ATAD3C: variants seen among roughly 807,000 people sequenced by gnomAD.
ATAD3C encodes the protein ATPase family AAA domain containing 3C.
In ATAD3C, 38 loss-of-function variants were observed where a neutral mutation model predicts 46.3. That is an observed-to-expected ratio of 0.82 (90% CI 0.63 to 1.08). The LOEUF is 1.08. ATAD3C is among the 50% of genes least tolerant of loss of function. The probability of loss-of-function intolerance (pLI) is 0.00; values close to 1 mark genes in which losing one functional copy is unlikely to be tolerated. For synonymous variants in ATAD3C, 220 were observed against 236.4 expected, an observed-to-expected ratio of 0.93 and a Z score of 0.63; for missense variants, 563 against 572.7, an observed-to-expected ratio of 0.98 and a Z score of 0.17.
In ATAD3C at chr1:1,459,785, C is replaced by T. The variant is rs549235953; in HGVS notation, c.812+554C>T. Among the ~76,000 whole-genome samples, 3 of 152,122 alleles carry T rather than the reference C, an allele frequency of 2.0e-5. No homozygotes were observed. Among genetic ancestry groups the T allele is most frequent in the South Asian group, 2.1e-4 (1 of 4,806 alleles). On this transcript the variant is annotated intron_variant, in intron 9 of 11. Coordinates refer to ENST00000378785, the MANE Select transcript of ATAD3C (RefSeq NM_001039211.3). The surrounding 1 kb of genome is among the most constrained non-coding windows in gnomAD (Gnocchi z 4.9). ...GCCCAGATGTCCCCCATAGGGTGAC[C>T]GCCCCATGGCCAGTCTCCCTAGTCC...
chr1:1,456,865 T>G (rs892179221), intron 7 of ATAD3C, among the ~76,000 whole-genome samples: 1 of 151,794 alleles, frequency 6.6e-6, no homozygotes, highest in Non-Finnish European at 1.5e-5. Context: ...GCCTTTGACC[T>G]TTCACTTTAG....
At chr1:1,452,929 G>A (rs1453616358) in intron 3 of ATAD3C, among the ~76,000 whole-genome samples, 2 of 151,972 alleles carry the variant, frequency 1.3e-5, no homozygotes, top group Non-Finnish European at 2.9e-5. Flanking sequence ...CTCCTTTAAA[G>A]CCTCACTCTT....
rs149946098 is a variant in ATAD3C at position 1,468,507 on chromosome 1, G to C, written c.1213G>C (p.Glu405Gln). Residue 405 changes from glutamate (E) to glutamine (Q), a missense_variant, in exon 12 of 12, where the codon GAG (glutamate) becomes CAG (glutamine). Coordinates refer to ENST00000378785, the MANE Select transcript of ATAD3C (RefSeq NM_001039211.3). ...GCTGAAGGGGGAGAGGCCTGGGCCC[G>C]AGGACGAGCAACCCTCATCCTGAGT... ...RWLKGERPGP[E>Q]DEQPSS 1 of 1,608,600 alleles carries C rather than the reference G, an allele frequency of 6.2e-7. No homozygotes were observed. Among genetic ancestry groups the C allele is most frequent in the Non-Finnish European group, 8.5e-7 (1 of 1,177,746 alleles).
At chr1:1,461,786 G>A (rs1461059708) in intron 10 of ATAD3C, among the ~76,000 whole-genome samples, 1 of 152,032 alleles carries the variant, frequency 6.6e-6, no homozygotes, top group Non-Finnish European at 1.5e-5. Flanking sequence ...GGCTCCTCAT[G>A]GTCCACTGCT....
At chr1:1,453,256 G>A (rs1003892623) in intron 3 of ATAD3C, among the ~76,000 whole-genome samples, 2 of 152,102 alleles carry the variant, frequency 1.3e-5, no homozygotes, top group African/African-American at 4.8e-5. Flanking sequence ...AGGCTGGAGT[G>A]CGGTGGCGCC....
chr1:1,458,767 T>C (rs1024455891), intron 8 of ATAD3C, among the ~76,000 whole-genome samples: 2 of 150,138 alleles, frequency 1.3e-5, no homozygotes, highest in African/African-American at 2.5e-5. Flanking sequence ...CTGTCGCCCA[T>C]GCTGGAGTGC....
chr1:1,453,992 C>T (rs1035407696), intron 3 of ATAD3C, among the ~76,000 whole-genome samples: 2 of 151,986 alleles, frequency 1.3e-5, no homozygotes, highest in African/African-American at 4.8e-5. Flanking sequence ...GTCTTGTTTT[C>T]CAGGAATAAA....
In ATAD3C at chr1:1,460,929, G is replaced by C. The variant is rs752152738; in HGVS notation, c.980+12G>C. On this transcript the variant is annotated intron_variant, in intron 10 of 11. Coordinates refer to ENST00000378785, the MANE Select transcript of ATAD3C (RefSeq NM_001039211.3). Reference sequence around the variant, plus strand: ...ACAGAAGGAAAGCGGTAAGTGTCCCGCCCCACCAGCCCCCGTCCAGGGGCC... The same window carrying C: ...ACAGAAGGAAAGCGGTAAGTGTCCCCCCCCACCAGCCCCCGTCCAGGGGCC... The C allele has an allele frequency of 1.3e-6, 2 of 1,593,408 alleles. No individual in the cohort carries two copies. The highest frequency in any genetic ancestry group is 1.7e-6 in the Non-Finnish European group (2 of 1,168,538).
chr1:1,453,400 C>T (rs935779693), intron 3 of ATAD3C, among the ~76,000 whole-genome samples: 1 of 151,954 alleles, frequency 6.6e-6, no homozygotes, highest in Non-Finnish European at 1.5e-5. Flanking sequence ...CAGGGTTACA[C>T]CCTGTTGGCC....
At position 1,457,114 on chromosome 1, in the gene ATAD3C, C is replaced by T; in HGVS notation, c.690-15C>T. 4 of 1,613,386 alleles carry T rather than the reference C, an allele frequency of 2.5e-6. No homozygotes were observed. Among genetic ancestry groups the T allele is most frequent in the African/African-American group, 1.3e-5 (1 of 75,040 alleles). ...GCATCACTCTCACCCAGCTTGGCCT[C>T]CCTCTCGTCCACAGCCTCCTGCTCT... is the stretch of plus-strand genomic sequence containing the variant. On this transcript the variant is annotated splice_polypyrimidine_tract_variant and intron_variant, in intron 7 of 11. Coordinates refer to ENST00000378785, the MANE Select transcript of ATAD3C (RefSeq NM_001039211.3).
intron 11 of ATAD3C, among the ~76,000 whole-genome samples, chr1:1,467,805 G>T (rs2100493379): frequency 6.6e-6 from 1 of 152,166 alleles, no homozygotes; most frequent in Non-Finnish European, 1.5e-5. Flanking sequence ...ACCTGTCCAT[G>T]GCAGAAGGGC....
intron 5 of ATAD3C, 113 bp from the exon 6 acceptor site, chr1:1,455,678 G>C: frequency 6.4e-7 from 1 of 1,560,954 alleles, no homozygotes. Context: ...CTGCCCACGA[G>C]CTGGGTGGCT....
chr1:1,467,772 T>C (rs939249863), intron 11 of ATAD3C, among the ~76,000 whole-genome samples: 3 of 152,156 alleles, frequency 2.0e-5, no homozygotes, highest in East Asian at 3.9e-4. Context: ...CCATGCCCTT[T>C]GCTGGCATTG....
intron 8 of ATAD3C, among the ~76,000 whole-genome samples, chr1:1,457,905 T>C (rs1176465210): frequency 6.6e-6 from 1 of 151,788 alleles, no homozygotes; most frequent in African/African-American, 2.4e-5. Flanking sequence ...CTAGATCTCT[T>C]GACCTTGTAA....
rs1004448239 is a variant in ATAD3C at position 1,458,362 on chromosome 1, C to T, written c.742-799C>T. ...CGATCTTGGCTCACCGCAACCTCCG[C>T]CCCCTGGGTTCAAGCAGTTCCCCTG... On this transcript the variant is annotated intron_variant, in intron 8 of 11. Transcript: ENST00000378785. Among the ~76,000 whole-genome samples, 21 of 151,826 alleles carry T rather than the reference C, an allele frequency of 1.4e-4. 2 individuals are homozygous for T. Among genetic ancestry groups the T allele is most frequent in the African/African-American group, 4.8e-4 (20 of 41,308 alleles).
Position 1,460,921 on chromosome 1 carries a change from A to G in ATAD3C, c.980+4A>G, listed in dbSNP as rs764936936. 4 of 1,602,730 alleles carry G rather than the reference A, an allele frequency of 2.5e-6. No homozygotes were observed. Among genetic ancestry groups the G allele is most frequent in the Non-Finnish European group, 2.6e-6 (3 of 1,173,768 alleles). The stretch of plus-strand genomic sequence containing the variant: ...AGCCGGCCACAGAAGGAAAGCGGTA[A>G]GTGTCCCGCCCCACCAGCCCCCGTC... On this transcript the variant is annotated splice_donor_region_variant and intron_variant, in intron 10 of 11. Transcript: ENST00000378785.
At chr1:1,452,274 C>G in intron 2 of ATAD3C, 91 bp from the exon 3 acceptor site, 2 of 1,599,218 alleles carry the variant, frequency 1.3e-6, no homozygotes, top group Middle Eastern at 1.7e-4. Context: ...CAGGACCAGG[C>G]TGCTGTGTCA....
Position 1,455,883 on chromosome 1 carries a change from G to A in ATAD3C, c.531G>A (p.Gly177=). The change falls in exon 6 of 12, where the codon GGG becomes GGA. Residue 177 remains glycine, a synonymous_variant. Transcript: ENST00000378785. ...RGLYRHILLY[G]PPGTGKTLFA... ...TGTACAGGCACATCCTGCTGTACGGGCCACCAGGCACCGGGAAGACGCTGT... is the reference window on the plus strand; with the variant it reads ...TGTACAGGCACATCCTGCTGTACGGACCACCAGGCACCGGGAAGACGCTGT... The A allele has an allele frequency of 6.2e-7, 1 of 1,613,338 alleles. No homozygotes were observed.
chr1:1,460,697 G>T, intron 9 of ATAD3C, 53 bp from the exon 10 acceptor site: 1 of 1,536,108 alleles, frequency 6.5e-7, no homozygotes, highest in South Asian at 1.3e-5. Context: ...TGTTCCCCTG[G>T]GGACAGCTCG....
Sources: gnomAD v4.1 joint callset for allele counts (sites outside exome capture counted in the v4.1 genomes callset) on GRCh38, gnomAD v4.1.1 for gene constraint, Gnocchi (gnomAD v3.1) non-coding constraint, MANE v1.5 for transcripts, NCBI Gene and HGNC (gene_info 2026-07-23, HGNC 2026-07-21) for gene names.